The following MAGI1 variants were observed in gnomAD, a reference collection of about 807,000 sequenced individuals.
The protein encoded by MAGI1 is membrane associated guanylate kinase, WW and PDZ domain containing 1.
A neutral mutation model predicts 139.9 loss-of-function variants in MAGI1; 58 were observed. The ratio of observed to expected loss-of-function variants is 0.41; its 90% CI spans 0.34 to 0.52. The LOEUF (loss-of-function observed/expected upper bound fraction) is 0.52, where lower values mean the gene tolerates loss of function less well. Ranked by LOEUF, MAGI1 falls within the 20% of genes least tolerant of loss-of-function variation. The probability of loss-of-function intolerance (pLI) is 0.12; values close to 1 mark genes in which losing one functional copy is unlikely to be tolerated. For missense variants in MAGI1, 1,874 were observed against 1,901.6 expected, an observed-to-expected ratio of 0.99 and a Z score of 0.27; for synonymous variants, 812 against 737.9, an observed-to-expected ratio of 1.10 and a Z score of -1.63.
At position 65,356,211 on chromosome 3, in the gene MAGI1, A is replaced by G. The variant is rs955695100; in HGVS notation, c.*167T>C. On this transcript the variant is annotated 3_prime_UTR_variant, in exon 23 of 23. Transcript: ENST00000402939. ...TGATACATCAGGCACAATACTTTTC[A>G]TATATATTTTTTCTTATAAGATTTC... The G allele has an allele frequency of 3.1e-5, 19 of 616,880 alleles. No homozygotes were observed. Among genetic ancestry groups the G allele is most frequent in the Non-Finnish European group, 4.2e-5 (16 of 384,496 alleles). The allele number at this position is 616,880 out of a possible 1,614,324, so 38.2% of individuals were successfully genotyped here.
At chr3:65,640,200 T>G (rs1021525760) in intron 1 of MAGI1, among the ~76,000 whole-genome samples, 1 of 151,990 alleles carries the variant, frequency 6.6e-6, no homozygotes, top group African/African-American at 2.4e-5. Flanking sequence ...GCCAATTCCT[T>G]AAATGAAATC....
intron 1 of MAGI1, among the ~76,000 whole-genome samples, chr3:65,852,436 G>A (rs1248134509): frequency 6.6e-6 from 1 of 151,760 alleles, no homozygotes; most frequent in African/African-American, 2.4e-5. Context: ...GTAAACACTA[G>A]ACAGACGTGC....
intron 1 of MAGI1, among the ~76,000 whole-genome samples, chr3:65,743,797 A>G (rs1035079777): frequency 4.6e-4 from 70 of 151,738 alleles, no homozygotes; most frequent in Non-Finnish European, 3.7e-4. Flanking sequence ...TCTCTAGGGT[A>G]TATTTAACAC....
chr3:65,499,433 A>C (rs1430386124), intron 2 of MAGI1, among the ~76,000 whole-genome samples: 1 of 152,164 alleles, frequency 6.6e-6, no homozygotes, highest in Non-Finnish European at 1.5e-5. Flanking sequence ...CCAGATCACG[A>C]GGTCAGGAGA....
chr3:65,557,481 A>G (rs1240967102), intron 2 of MAGI1, among the ~76,000 whole-genome samples: 3 of 152,138 alleles, frequency 2.0e-5, no homozygotes, highest in African/African-American at 7.2e-5. Context: ...ACCCAGCTAT[A>G]CCACCCCTGG....
At chr3:65,991,075 G>C (rs11131044) in intron 1 of MAGI1, among the ~76,000 whole-genome samples, 1 of 152,056 alleles carries the variant, frequency 6.6e-6, no homozygotes, top group African/African-American at 2.4e-5. Flanking sequence ...GATCACTTGA[G>C]GTCAGGAGTT....
chr3:65,775,462 A>T (rs1184831336), intron 1 of MAGI1, among the ~76,000 whole-genome samples: 28 of 108,338 alleles, frequency 2.6e-4, no homozygotes, highest in African/African-American at 8.1e-4. Context: ...AAAAAAAAAA[A>T]ATTTTTTTAA....
At chr3:65,425,108 TAAAAAAAAAAAAAAAAA>T (rs72030632) in intron 12 of MAGI1, among the ~76,000 whole-genome samples, 18 of 66,596 alleles carry the variant, frequency 2.7e-4, no homozygotes, top group African/African-American at 1.1e-3. Context: ...GTAGAACTTC[TAAAAAAAAAAAAAAAAA>T]AAAAAAACAA....
At chr3:65,781,254 C>T (rs1318453751) in intron 1 of MAGI1, among the ~76,000 whole-genome samples, 1 of 152,112 alleles carries the variant, frequency 6.6e-6, no homozygotes, top group Non-Finnish European at 1.5e-5. Context: ...AGAATAGTAC[C>T]TGCACACAGA....
chr3:65,639,600 G>A (rs2084862921), intron 1 of MAGI1, among the ~76,000 whole-genome samples: 1 of 152,178 alleles, frequency 6.6e-6, no homozygotes, highest in Admixed American at 6.5e-5. Context: ...GTTAACATTT[G>A]TATCAACGGA....
At chr3:65,776,581 T>C (rs2038452709) in intron 1 of MAGI1, among the ~76,000 whole-genome samples, 1 of 152,158 alleles carries the variant, frequency 6.6e-6, no homozygotes, top group South Asian at 2.1e-4. Context: ...GAATATCTGG[T>C]TTTCCAGGCA....
chr3:65,795,446 T>C (rs1013112807), intron 1 of MAGI1, among the ~76,000 whole-genome samples: 1 of 152,192 alleles, frequency 6.6e-6, no homozygotes, highest in African/African-American at 2.4e-5. Flanking sequence ...GGCTACATAC[T>C]GTGTCATTCC....
At chr3:65,862,160 G>A (rs1327935483) in intron 1 of MAGI1, among the ~76,000 whole-genome samples, 2 of 152,184 alleles carry the variant, frequency 1.3e-5, no homozygotes, top group African/African-American at 2.4e-5. Context: ...CCTAGCAAGA[G>A]GCATTCATTA....
intron 1 of MAGI1, among the ~76,000 whole-genome samples, chr3:65,698,209 C>T (rs1431759260): frequency 7.9e-6 from 1 of 126,336 alleles, no homozygotes; most frequent in Non-Finnish European, 1.7e-5. Flanking sequence ...CAAACTGCTG[C>T]TCAAGGAAAT....
At chr3:65,769,451 T>C (rs1321034390) in intron 1 of MAGI1, among the ~76,000 whole-genome samples, 1 of 152,018 alleles carries the variant, frequency 6.6e-6, no homozygotes, top group Non-Finnish European at 1.5e-5. Flanking sequence ...ATCGCACCAC[T>C]GCACTCCAGT....
intron 2 of MAGI1, chr3:65,619,774 G>A (rs1284740957): frequency 2.5e-6 from 2 of 798,882 alleles, no homozygotes; most frequent in Non-Finnish European, 3.0e-6. Context: ...AGGCACACAC[G>A]CTCCACCAGA....
chr3:65,931,802 G>C (rs929585936), intron 1 of MAGI1, among the ~76,000 whole-genome samples: 1 of 152,026 alleles, frequency 6.6e-6, no homozygotes, highest in African/African-American at 2.4e-5. Flanking sequence ...CCCAATTGTG[G>C]GTTCAAATGA....
intron 4 of MAGI1, among the ~76,000 whole-genome samples, chr3:65,476,213 G>A (rs1314184636): frequency 1.5e-4 from 23 of 152,100 alleles, no homozygotes; most frequent in Admixed American, 1.5e-3. Flanking sequence ...GCTGTCGCAG[G>A]TACACTGTTG....
At chr3:65,359,311 A>G (rs1940535156) in intron 22 of MAGI1, 1 of 1,432,920 alleles carries the variant, frequency 7.0e-7, no homozygotes, top group African/African-American at 1.4e-5. Flanking sequence ...CCAGTCAGAC[A>G]GTCTAAGGCA....
Sources: allele counts gnomAD v4.1 joint callset (sites outside exome capture counted in the v4.1 genomes callset), GRCh38; gene constraint gnomAD v4.1.1; transcripts MANE v1.5; gene names NCBI Gene and HGNC (gene_info 2026-07-23, HGNC 2026-07-21).